Variants in MACROH2A1 observed in about 807,000 individuals in gnomAD.
MACROH2A1 encodes core histone macro-H2A.1.
A neutral mutation model predicts 31.6 loss-of-function variants in MACROH2A1; 2 were observed. The ratio of observed to expected loss-of-function variants is 0.06; its 90% CI spans 0.03 to 0.20. The LOEUF is 0.20. MACROH2A1 is among the 10% of genes least tolerant of loss of function. The pLI, the probability that MACROH2A1 is intolerant of heterozygous loss-of-function variation, is 1.00. For missense variants in MACROH2A1, 230 were observed against 474.0 expected (o/e 0.49, Z 4.78); for synonymous variants, 169 against 189.6 (o/e 0.89, Z 0.89).
At chr5:135,335,867 C>CAGCATGGCATGTG (rs1260192923) in intron 8 of MACROH2A1, among the ~76,000 whole-genome samples, 1 of 152,226 alleles carries the variant, frequency 6.6e-6, no homozygotes, top group African/African-American at 2.4e-5. Flanking sequence ...TGCTCCTGGT[C>CAGCATGGCATGTG]AGCATGGCAT....
At chr5:135,341,718 G>A (rs776394871) in intron 8 of MACROH2A1, among the ~76,000 whole-genome samples, 3 of 152,234 alleles carry the variant, frequency 2.0e-5, no homozygotes, top group African/African-American at 4.8e-5. Context: ...GCAAAATCAC[G>A]AGGCCTGCCT....
At chr5:135,361,116 G>T in intron 4 of MACROH2A1, 1 of 250,604 alleles carries the variant, frequency 4.0e-6, no homozygotes, top group Non-Finnish European at 7.8e-6. Flanking sequence ...GGACGCATGT[G>T]GTGGCTGTGA....
intron 6 of MACROH2A1, 57 bp downstream of exon 6, chr5:135,352,889 T>C: frequency 2.1e-6 from 2 of 935,382 alleles, no homozygotes; most frequent in South Asian, 1.3e-5. Context: ...GCCTAAATTC[T>C]GGGTTCCATA....
At chr5:135,345,928 G>T in intron 7 of MACROH2A1, 40 bp downstream of exon 7, 1 of 1,329,084 alleles carries the variant, frequency 7.5e-7, no homozygotes, top group Non-Finnish European at 1.1e-6. Flanking sequence ...AATACTGCAT[G>T]TGTCACAACC....
intron 4 of MACROH2A1, among the ~76,000 whole-genome samples, chr5:135,364,960 G>A (rs3776205): frequency 0.02 from 3,075 of 152,202 alleles, 78 homozygotes; most frequent in Admixed American, 0.07. Context: ...TGATCTAGGA[G>A]GGTAGTTTTC....
At chr5:135,350,161 A>T (rs1761340731) in intron 6 of MACROH2A1, among the ~76,000 whole-genome samples, 1 of 152,196 alleles carries the variant, frequency 6.6e-6, no homozygotes, top group Non-Finnish European at 1.5e-5. Context: ...ACCAGGAATC[A>T]ACCAACAATG....
intron 2 of MACROH2A1, among the ~76,000 whole-genome samples, chr5:135,377,770 G>A (rs1054073830): frequency 1.4e-4 from 22 of 152,122 alleles, no homozygotes; most frequent in Admixed American, 1.2e-3. Context: ...TTCTGCTATC[G>A]GCTGCCCCAG....
At position 135,378,513 on chromosome 5, in the gene MACROH2A1, C is replaced by T. The variant is rs1765212450; in HGVS notation, c.173-8371G>A. Among the ~76,000 whole-genome samples the T allele has an allele frequency of 2.6e-5, 4 of 152,354 alleles. No homozygotes were observed. In the South Asian group the frequency reaches 8.3e-4, roughly 32 times the overall value. The stretch of plus-strand genomic sequence containing the variant: ...CTGTTGCAGAGTCTGTCCCCTCAGG[C>T]TGTGTCTTCATCGAGCCAGCCTTGG... On this transcript the variant is annotated intron_variant, in intron 2 of 8. Transcript: ENST00000511689.
intron 2 of MACROH2A1, among the ~76,000 whole-genome samples, chr5:135,377,505 CG>C (rs1708601330): frequency 6.6e-6 from 1 of 152,172 alleles, no homozygotes; most frequent in African/African-American, 2.4e-5. Flanking sequence ...GGACTCAAAG[CG>C]AAAGAGCGAG....
At position 135,389,267 on chromosome 5, in the gene MACROH2A1, G is replaced by A. The variant is rs1474516870; in HGVS notation, c.-33-141C>T. 4.3e-5 allele frequency: 21 copies of A among 492,346 alleles called. 1 individual carries two copies. The highest frequency in any genetic ancestry group is 5.3e-4 in the Middle Eastern group (1 of 1,884). 30.5% of individuals were successfully genotyped at this position (492,346 alleles called of 1,614,324 possible). A position where few individuals can be genotyped will look rare whatever the true frequency, so the allele number is the denominator to read the frequency against. On this transcript the variant is annotated intron_variant, in intron 1 of 8. Coordinates refer to ENST00000511689, the MANE Select transcript of MACROH2A1 (RefSeq NM_138610.3). ...TAGCTGCAGGGCCCTCCGGGTCCAGGTGATGCACTCCGCTGGAGCAGTTTG... is the reference window on the plus strand; with the variant it reads ...TAGCTGCAGGGCCCTCCGGGTCCAGATGATGCACTCCGCTGGAGCAGTTTG...
intron 5 of MACROH2A1, chr5:135,356,274 G>C (rs56073916): frequency 1.3e-5 from 2 of 152,318 alleles, no homozygotes; most frequent in Non-Finnish European, 2.9e-5. Context: ...CCAGCACTGG[G>C]ATCCGATAAT....
intron 8 of MACROH2A1, among the ~76,000 whole-genome samples, chr5:135,342,233 T>C (rs1040931058): frequency 2.0e-5 from 3 of 152,228 alleles, no homozygotes; most frequent in African/African-American, 7.2e-5. Flanking sequence ...GTCTGCATCA[T>C]GGGACACACT....
chr5:135,383,707 GT>G (rs1471028050), intron 2 of MACROH2A1, among the ~76,000 whole-genome samples: 26 of 110,730 alleles, frequency 2.3e-4, no homozygotes, highest in Non-Finnish European at 3.9e-4. Flanking sequence ...TGTGGTGTGT[GT>G]GTGTGTGTGT....
intron 2 of MACROH2A1, among the ~76,000 whole-genome samples, chr5:135,379,892 C>T (rs1581309969): frequency 6.6e-6 from 1 of 152,178 alleles, no homozygotes; most frequent in South Asian, 2.1e-4. Flanking sequence ...ATTGCCGAGA[C>T]CTCCTCTGTG....
At chr5:135,342,915 A>T (rs1760147635) in intron 8 of MACROH2A1, among the ~76,000 whole-genome samples, 1 of 152,160 alleles carries the variant, frequency 6.6e-6, no homozygotes, top group South Asian at 2.1e-4. Flanking sequence ...GTTCGTTTGT[A>T]TCCCTGTATT....
intron 2 of MACROH2A1, among the ~76,000 whole-genome samples, chr5:135,376,895 A>G (rs1453088556): frequency 3.9e-5 from 6 of 152,218 alleles, no homozygotes; most frequent in Non-Finnish European, 7.3e-5. Flanking sequence ...GATTTCCTCT[A>G]TCTATAACTG....
At chr5:135,357,797 A>ATGGC in intron 5 of MACROH2A1, 1 of 980,518 alleles carries the variant, frequency 1.0e-6, no homozygotes, top group Non-Finnish European at 1.2e-6. Context: ...TCAGAGAGTA[A>ATGGC]TGGCTATGAT....
rs532976155 is a variant in MACROH2A1 at position 135,360,943 on chromosome 5, T to C, written c.478-336A>G. On this transcript the variant is annotated intron_variant, in intron 4 of 8. Transcript: ENST00000511689. ...TTAATTAAGGATCTTTAAGTGTCTT[T>C]CCTTTCTAGATGTCTGTAATACTAT... 3.2e-4 allele frequency: 133 copies of C among 417,334 alleles called. 2 individuals are homozygous for C. Among genetic ancestry groups the C allele is most frequent in the South Asian group, 2.6e-3 (128 of 48,872 alleles). 25.9% of individuals were successfully genotyped at this position (417,334 alleles called of 1,614,324 possible).
chr5:135,364,800 A>G (rs996151317), intron 4 of MACROH2A1, among the ~76,000 whole-genome samples: 3 of 152,242 alleles, frequency 2.0e-5, no homozygotes, highest in Non-Finnish European at 2.9e-5. Flanking sequence ...TAGCTTCTCA[A>G]ACGAACCAAT....
Sources: allele counts gnomAD v4.1 joint callset (sites outside exome capture counted in the v4.1 genomes callset), GRCh38; gene constraint gnomAD v4.1.1; transcripts MANE v1.5; gene names NCBI Gene and HGNC (gene_info 2026-07-23, HGNC 2026-07-21).